Variants in SCOC observed in about 807,000 individuals in gnomAD.
SCOC encodes short coiled coil protein.
Under a neutral mutation model 9.9 loss-of-function variants are expected in SCOC, and 7 were observed. The observed-to-expected ratio is 0.71, with a 90% confidence interval of 0.40 to 1.33. The LOEUF (loss-of-function observed/expected upper bound fraction) is 1.33. Ranked by LOEUF, SCOC falls within the 40% of genes most tolerant of loss-of-function variation. SCOC has a pLI of 0.01. For missense variants in SCOC, 66 were observed against 89.7 expected, an observed-to-expected ratio of 0.74 and a Z score of 1.07; for synonymous variants, 19 against 28.2, an observed-to-expected ratio of 0.67 and a Z score of 1.03.
At chr4:140,257,751 C>T (rs1007732850) in intron 1 of SCOC, among the ~76,000 whole-genome samples, 3 of 152,182 alleles carry the variant, frequency 2.0e-5, no homozygotes, top group Admixed American at 2.0e-4. Flanking sequence ...GCATAATAAG[C>T]ACTTTTAAGT....
At chr4:140,342,534 TCAGGATTTCCAA>T (rs1432404212), upstream of SCOC, among the ~76,000 whole-genome samples, 3 of 152,196 alleles carry the variant, frequency 2.0e-5, no homozygotes, top group African/African-American at 7.2e-5. Context: ...TTTTTAAAAT[TCAGGATTTCCAA>T]CAGCTCACAT....
At chr4:140,297,243 C>T (rs1228535524) in intron 1 of SCOC, among the ~76,000 whole-genome samples, 1 of 143,914 alleles carries the variant, frequency 6.9e-6, no homozygotes, top group Non-Finnish European at 1.5e-5. Flanking sequence ...GGGAAAATGC[C>T]GGAGAGGAGA....
rs1173661587 is a variant in SCOC at position 140,373,666 on chromosome 4, C to T, written c.-102C>T. On this transcript the variant is annotated 5_prime_UTR_variant, in exon 1 of 4. Transcript: ENST00000608372. ...CCGGGGTCAGTTGGTCCAAGTGTCC[C>T]GGCCTGAGGTGTCGGCCGGATCCCT... 3 of 1,551,280 alleles carry T rather than the reference C, an allele frequency of 1.9e-6. No homozygotes were observed. Among genetic ancestry groups the T allele is most frequent in the East Asian group, 2.4e-5 (1 of 40,888 alleles).
chr4:140,316,117 G>T (rs1197656056), intron 1 of SCOC, among the ~76,000 whole-genome samples: 2 of 152,110 alleles, frequency 1.3e-5, no homozygotes, highest in Non-Finnish European at 2.9e-5. Context: ...TTATGATAAT[G>T]TCAAGCATCT....
chr4:140,268,244 C>T (rs1730772289), intron 1 of SCOC, among the ~76,000 whole-genome samples: 1 of 152,114 alleles, frequency 6.6e-6, no homozygotes, highest in Non-Finnish European at 1.5e-5. Context: ...TTCTTGGGCC[C>T]CATATAACGT....
chr4:140,340,808 T>TTTTTTTTTTGTTTTTTTC (rs140552446), upstream of SCOC, among the ~76,000 whole-genome samples: 1 of 111,814 alleles, frequency 8.9e-6, no homozygotes, highest in African/African-American at 3.1e-5. Context: ...TTTTTTTTTT[T>TTTTTTTTTTGTTTTTTTC]AGAGGGATAG....
exon 2 of SCOC, chr4:140,343,645 G>A (rs1285371777): frequency 6.8e-6 from 11 of 1,612,806 alleles, no homozygotes; most frequent in South Asian, 2.2e-5. Context: ...CAAGATGGAC[G>A]GGTCCAGGAA....
intron 1 of SCOC, among the ~76,000 whole-genome samples, chr4:140,259,493 T>G (rs1473917580): frequency 6.6e-6 from 1 of 152,202 alleles, no homozygotes; most frequent in African/African-American, 2.4e-5. Context: ...CATGGTGGCT[T>G]GCACCTGTAA....
At chr4:140,331,872 G>T (rs1309415934) in intron 1 of SCOC, among the ~76,000 whole-genome samples, 1 of 152,148 alleles carries the variant, frequency 6.6e-6, no homozygotes, top group Non-Finnish European at 1.5e-5. Flanking sequence ...AATTTCTAAA[G>T]AACAGAGGTT....
upstream of SCOC, among the ~76,000 whole-genome samples, chr4:140,339,721 C>T (rs1324800776): frequency 2.0e-5 from 3 of 152,196 alleles, no homozygotes; most frequent in Non-Finnish European, 4.4e-5. Flanking sequence ...CACTGGCCAT[C>T]AGAGAAATGC....
chr4:140,274,642 G>T (rs907764204), intron 1 of SCOC, among the ~76,000 whole-genome samples: 1 of 152,182 alleles, frequency 6.6e-6, no homozygotes, highest in Admixed American at 6.5e-5. Context: ...TCCCTTCCAT[G>T]CATGATAAAA....
intron 1 of SCOC, among the ~76,000 whole-genome samples, chr4:140,281,066 C>T (rs971252295): frequency 2.6e-5 from 4 of 152,140 alleles, no homozygotes; most frequent in African/African-American, 4.8e-5. Context: ...CTCCTCAGCA[C>T]GTGGTCTGGG....
intron 1 of SCOC, among the ~76,000 whole-genome samples, chr4:140,332,766 C>G (rs1189348079): frequency 6.6e-6 from 1 of 152,144 alleles, no homozygotes; most frequent in Non-Finnish European, 1.5e-5. Flanking sequence ...GATTTGACTA[C>G]TTTATACCAC....
chr4:140,288,073 T>C lies in SCOC; in HGVS notation c.-19+30663T>C, dbSNP rs951398758. Among the ~76,000 whole-genome samples the C allele has an allele frequency of 2.0e-5, 3 of 151,916 alleles. 1 individual carries two copies. Among genetic ancestry groups the C allele is most frequent in the African/African-American group, 7.3e-5 (3 of 41,316 alleles). ...GCCACATACAACACATATATACATA[T>C]CTATATTTATCACACACATATGCAC... On this transcript the variant is annotated intron_variant, in intron 1 of 4. Coordinates refer to the SCOC transcript ENST00000394205.
At chr4:140,331,944 C>T (rs576281810) in intron 1 of SCOC, among the ~76,000 whole-genome samples, 16 of 152,248 alleles carry the variant, frequency 1.1e-4, no homozygotes, top group African/African-American at 3.6e-4. Context: ...CCTGGGGTAG[C>T]CTCAGGGAGC....
intron 1 of SCOC, among the ~76,000 whole-genome samples, chr4:140,320,246 G>T (rs539712518): frequency 1.3e-5 from 2 of 152,266 alleles, no homozygotes; most frequent in Admixed American, 1.3e-4. Context: ...CACCATGACA[G>T]TTTACAAATG....
At chr4:140,320,458 A>G (rs1167643109) in intron 1 of SCOC, among the ~76,000 whole-genome samples, 1 of 152,122 alleles carries the variant, frequency 6.6e-6, no homozygotes, top group African/African-American at 2.4e-5. Context: ...GACTTGCCCT[A>G]AATTCTTTCT....
At chr4:140,270,233 T>A (rs1730814154) in intron 1 of SCOC, among the ~76,000 whole-genome samples, 2 of 152,218 alleles carry the variant, frequency 1.3e-5, no homozygotes, top group Admixed American at 1.3e-4. Flanking sequence ...TACCATTCAC[T>A]GAAGTATTAC....
intron 1 of SCOC, among the ~76,000 whole-genome samples, chr4:140,269,602 C>G (rs895462645): frequency 6.6e-6 from 1 of 152,164 alleles, no homozygotes; most frequent in Non-Finnish European, 1.5e-5. Flanking sequence ...CTAGCCAAGA[C>G]TTGCCCAAAT....
Sources: gnomAD v4.1 joint callset for allele counts (sites outside exome capture counted in the v4.1 genomes callset) on GRCh38, gnomAD v4.1.1 for gene constraint, MANE v1.5 for transcripts, NCBI Gene and HGNC (gene_info 2026-07-23, HGNC 2026-07-21) for gene names.